PTCSC3: variants seen among roughly 807,000 people sequenced by gnomAD.
The protein encoded by PTCSC3 is papillary thyroid carcinoma susceptibility candidate 3 (non-protein coding).
intron 2 of PTCSC3, among the ~76,000 whole-genome samples, chr14:36,157,011 C>T (rs921057951): frequency 1.3e-5 from 2 of 152,156 alleles, no homozygotes; most frequent in Non-Finnish European, 2.9e-5. Flanking sequence ...AATGGTTGAA[C>T]TAATTTACCC....
intron 1 of PTCSC3, among the ~76,000 whole-genome samples, chr14:36,169,200 C>T (rs1882149754): frequency 6.6e-6 from 1 of 152,094 alleles, no homozygotes; most frequent in African/African-American, 2.4e-5. Context: ...GTGGGACAAA[C>T]ATACTGCCTT....
chr14:36,174,279 C>T (rs1882243659), intron 1 of PTCSC3, among the ~76,000 whole-genome samples: 1 of 152,070 alleles, frequency 6.6e-6, no homozygotes, highest in African/African-American at 2.4e-5. Flanking sequence ...CTCTACTCTC[C>T]AGATTCAGGC....
At chr14:36,144,409 C>G in intron 3 of PTCSC3, among the ~76,000 whole-genome samples, 4 of 133,328 alleles carry the variant, frequency 3.0e-5, no homozygotes, top group South Asian at 2.7e-4. Context: ...GTATTTTATT[C>G]TCTTTGAAGC....
At chr14:36,151,012 A>G (rs1368334767) in intron 3 of PTCSC3, among the ~76,000 whole-genome samples, 1 of 152,134 alleles carries the variant, frequency 6.6e-6, no homozygotes, top group African/African-American at 2.4e-5. Context: ...TCTCACCTAT[A>G]TCATTTTTCT....
chr14:36,148,387 C>G (rs1002770860), intron 3 of PTCSC3, among the ~76,000 whole-genome samples: 1 of 152,186 alleles, frequency 6.6e-6, no homozygotes, highest in Non-Finnish European at 1.5e-5. Flanking sequence ...TTAAGCCTGT[C>G]GGAAAAGCGC....
intron 1 of PTCSC3, among the ~76,000 whole-genome samples, chr14:36,173,224 T>A (rs949002667): frequency 3.3e-5 from 5 of 152,126 alleles, no homozygotes; most frequent in African/African-American, 1.2e-4. Flanking sequence ...TTTTTATGAG[T>A]TAAAACATTT....
At chr14:36,146,928 G>A (rs1018689134) in intron 3 of PTCSC3, among the ~76,000 whole-genome samples, 1 of 152,174 alleles carries the variant, frequency 6.6e-6, no homozygotes, top group Non-Finnish European at 1.5e-5. Context: ...ATGAAGCTTA[G>A]TTTGGCTGGA....
rs976410240 is a variant in PTCSC3, at chr14:36,166,037, A to G, written n.172-3354T>C. 3.3e-5 allele frequency among the ~76,000 whole-genome samples: 5 copies of G among 152,192 alleles called. No homozygotes were observed. The East Asian group carries it at 9.6e-4, about 29-fold the overall frequency. On this transcript the variant is annotated intron_variant and non_coding_transcript_variant, in intron 1 of 3. Transcript: ENST00000556013. Reference sequence around the variant, plus strand: ...CTTACTGCAAAATAAAAATTACCCGAAAGAACTGTCCTTCTAGAGTGCTTA... The same window carrying G: ...CTTACTGCAAAATAAAAATTACCCGGAAGAACTGTCCTTCTAGAGTGCTTA...
At chr14:36,145,916 TG>T (rs1881554929) in intron 3 of PTCSC3, among the ~76,000 whole-genome samples, 1 of 151,452 alleles carries the variant, frequency 6.6e-6, no homozygotes, top group Admixed American at 6.6e-5. Context: ...CATTTTGTTA[TG>T]TACCCAGTAG....
At chr14:36,147,358 A>G (rs887154335) in intron 3 of PTCSC3, among the ~76,000 whole-genome samples, 63 of 152,078 alleles carry the variant, frequency 4.1e-4, no homozygotes, top group African/African-American at 1.5e-3. Context: ...GGCTTTGCTC[A>G]TTTCTTTTTA....
At chr14:36,142,803 C>T (rs1881456396) in intron 3 of PTCSC3, among the ~76,000 whole-genome samples, 1 of 119,310 alleles carries the variant, frequency 8.4e-6, no homozygotes, top group African/African-American at 3.2e-5. Context: ...GCTATCCCTC[C>T]CCCCTCCCCC....
At chr14:36,162,275 A>AG (rs1380332799) in intron 2 of PTCSC3, among the ~76,000 whole-genome samples, 1 of 150,728 alleles carries the variant, frequency 6.6e-6, no homozygotes, top group East Asian at 1.9e-4. Flanking sequence ...AAAAAAAAAA[A>AG]AAAAAAAAAA....
chr14:36,162,572 G>T (rs1881990282), intron 2 of PTCSC3: 2 of 152,266 alleles, frequency 1.3e-5, no homozygotes, highest in Non-Finnish European at 2.9e-5. Context: ...TGTCTCACCA[G>T]TCCCAATGAG....
chr14:36,152,755 A>C (rs369338069), intron 3 of PTCSC3, among the ~76,000 whole-genome samples: 27 of 151,968 alleles, frequency 1.8e-4, no homozygotes, highest in African/African-American at 6.5e-4. Flanking sequence ...ATAGCTAGGC[A>C]TGGTGGCGGG....
At chr14:36,153,633 G>C (rs893115447) in intron 3 of PTCSC3, among the ~76,000 whole-genome samples, 1 of 152,084 alleles carries the variant, frequency 6.6e-6, no homozygotes, top group African/African-American at 2.4e-5. Context: ...CAACAGAAAC[G>C]CATCTATATG....
At chr14:36,138,031 T>C (rs941059919) in intron 3 of PTCSC3, among the ~76,000 whole-genome samples, 3 of 152,176 alleles carry the variant, frequency 2.0e-5, no homozygotes, top group Non-Finnish European at 2.9e-5. Context: ...ATCACTCTGA[T>C]ATTTAACATC....
intron 3 of PTCSC3, among the ~76,000 whole-genome samples, chr14:36,137,202 T>C (rs1433818692): frequency 1.3e-5 from 2 of 152,004 alleles, no homozygotes; most frequent in African/African-American, 4.8e-5. Context: ...ACGCTGCAGG[T>C]AGAGGCAACA....
At chr14:36,145,572 T>C (rs1881543334) in intron 3 of PTCSC3, among the ~76,000 whole-genome samples, 3 of 135,576 alleles carry the variant, frequency 2.2e-5, no homozygotes. Flanking sequence ...TTAGTCTTGC[T>C]AGCGGTCTAT....
At chr14:36,167,458 C>T (rs1882111484) in intron 1 of PTCSC3, among the ~76,000 whole-genome samples, 1 of 152,126 alleles carries the variant, frequency 6.6e-6, no homozygotes, top group Non-Finnish European at 1.5e-5. Flanking sequence ...GAAGACTGAA[C>T]CCATTTTAAC....
Sources: allele counts gnomAD v4.1 joint callset (sites outside exome capture counted in the v4.1 genomes callset), GRCh38; gene constraint gnomAD v4.1.1; transcripts MANE v1.5; gene names NCBI Gene and HGNC (gene_info 2026-07-23, HGNC 2026-07-21).